PPIL2: variants seen among roughly 807,000 people sequenced by gnomAD.
The protein encoded by PPIL2 is peptidylprolyl isomerase like 2, also known as RING-type E3 ubiquitin-protein ligase PPIL2.
In PPIL2, 50 loss-of-function variants were observed where a neutral mutation model predicts 75.2. That is an observed-to-expected ratio of 0.66 (90% confidence interval 0.53 to 0.84). The LOEUF (loss-of-function observed/expected upper bound fraction) is 0.84, where lower values mean the gene tolerates loss of function less well. PPIL2 is among the 40% of genes least tolerant of loss of function. PPIL2 has a pLI of 0.00. For missense variants in PPIL2, 590 were observed against 685.0 expected, an observed-to-expected ratio of 0.86 and a Z score of 1.55; for synonymous variants, 245 against 258.8, an observed-to-expected ratio of 0.95 and a Z score of 0.51.
At chr22:21,669,813 T>TAGTAAGCATTTGCTG (rs1283884628) in intron 1 of PPIL2, 100 bp from the exon 2 acceptor site, 2 of 1,255,760 alleles carry the variant, frequency 1.6e-6, no homozygotes, top group Admixed American at 1.7e-5. Flanking sequence ...AGTAGGTATT[T>TAGTAAGCATTTGCTG]AGTAAGCATT....
chr22:21,670,792 T>C (rs2066602013), intron 3 of PPIL2, 181 bp downstream of exon 3: 2 of 853,350 alleles, frequency 2.3e-6, no homozygotes, highest in Admixed American at 4.1e-5. Context: ...TGCCTTGGTG[T>C]TGGATCCTGC....
At chr22:21,687,927 G>A (rs1454121376) in intron 13 of PPIL2, 146 bp from the exon 14 acceptor site, 2 of 1,172,906 alleles carry the variant, frequency 1.7e-6, no homozygotes, top group African/African-American at 1.5e-5. Context: ...GGTTCACAAA[G>A]GGAGGTGGCT....
rs192811049 is a variant in PPIL2, at chr22:21,669,867, C to T, written c.33-46C>T. On this transcript the variant is annotated intron_variant, in intron 1 of 19. Transcript: ENST00000398831. ...TACTCACTTCCAAAGACTTCGTCCT[C>T]TTTATAAAGGTGGTGGTGGTAGCAT... 1.1e-4 allele frequency: 177 copies of T among 1,569,784 alleles called. No homozygotes were observed. The East Asian group carries it at 3.8e-3, about 33-fold the overall frequency.
chr22:21,680,779 G>A (rs1410595437), intron 6 of PPIL2, among the ~76,000 whole-genome samples: 17 of 134,060 alleles, frequency 1.3e-4, no homozygotes, highest in Admixed American at 2.5e-4. Flanking sequence ...GCAGTGAGCC[G>A]AGATTGTGCC....
intron 12 of PPIL2, 72 bp from the exon 13 acceptor site, chr22:21,687,571 A>AAAC: frequency 1.3e-6 from 1 of 763,736 alleles, no homozygotes; most frequent in South Asian, 1.7e-5. Context: ...AAAAAAAAAA[A>AAAC]GCCTCCTGTG....
chr22:21,692,195 C>G (rs1039417244), intron 15 of PPIL2, among the ~76,000 whole-genome samples: 22 of 151,806 alleles, frequency 1.4e-4, no homozygotes, highest in South Asian at 2.1e-4. Context: ...TCGCTCCGTC[C>G]CCCAGGCTGG....
chr22:21,669,910 C>T lies in PPIL2; in HGVS notation c.33-3C>T. 6.2e-7 allele frequency: 1 copy of T among 1,613,546 alleles called. No homozygotes were observed. Among genetic ancestry groups the T allele is most frequent in the South Asian group, 1.1e-5 (1 of 91,064 alleles). ...GGTAGCATTATCTTCCTCTCTTCTTCAGGTACATTACCTGTGCTGAATACA... is the reference window on the plus strand; with the variant it reads ...GGTAGCATTATCTTCCTCTCTTCTTTAGGTACATTACCTGTGCTGAATACA... On this transcript the variant is annotated splice_polypyrimidine_tract_variant and splice_region_variant and intron_variant, in intron 1 of 19. Transcript: ENST00000398831.
At position 21,696,469 on chromosome 22, in the gene PPIL2, G is replaced by C; in HGVS notation, c.*979G>C. 1 of 1,215,510 alleles carries C rather than the reference G, an allele frequency of 8.2e-7. No individual in the cohort carries two copies. Among genetic ancestry groups the C allele is most frequent in the South Asian group, 1.6e-5 (1 of 62,110 alleles). 75.3% of individuals were successfully genotyped at this position (1,215,510 alleles called of 1,614,324 possible). Reference sequence around the variant, plus strand: ...CCTCCTGTCAGTCACTGACTCTGATGGCCTTGGGCCAGCTGCATCAGCAGC... The same window carrying C: ...CCTCCTGTCAGTCACTGACTCTGATCGCCTTGGGCCAGCTGCATCAGCAGC... On this transcript the variant is annotated 3_prime_UTR_variant, in exon 20 of 20. Transcript: ENST00000398831.
rs2066784311 is a variant in PPIL2, at chr22:21,675,105, G to C, written c.285G>C (p.Lys95Asn). The C allele has an allele frequency of 6.2e-7, 1 of 1,613,244 alleles. No homozygotes were observed. Among genetic ancestry groups the C allele is most frequent in the African/African-American group, 1.3e-5 (1 of 75,010 alleles). ...GRSLIKLNFSKNSEGKYHCPV... is the reference protein window; with the variant it reads ...GRSLIKLNFSNNSEGKYHCPV... Reference sequence around the variant, plus strand: ...CCCTGATCAAGCTGAACTTTTCCAAGAACAGTGAGGGTGAGTGGAACTATC... The same window carrying C: ...CCCTGATCAAGCTGAACTTTTCCAACAACAGTGAGGGTGAGTGGAACTATC... The change falls in exon 6 of 20, where the codon AAG becomes AAC. Residue 95 changes from lysine to asparagine, a missense_variant. By Grantham distance (94) the Lys-to-Asn change is moderately conservative (BLOSUM62 0). Coordinates refer to ENST00000398831, the MANE Select transcript of PPIL2 (RefSeq NM_014337.4).
At chr22:21,674,334 A>G (rs2066749706) in intron 5 of PPIL2, among the ~76,000 whole-genome samples, 2 of 152,234 alleles carry the variant, frequency 1.3e-5, no homozygotes, top group South Asian at 4.1e-4. Flanking sequence ...CACCACAGAA[A>G]CTGAAAACAT....
intron 1 of PPIL2, among the ~76,000 whole-genome samples, chr22:21,668,869 G>A (rs1339476584): frequency 3.3e-5 from 5 of 151,234 alleles, no homozygotes; most frequent in Middle Eastern, 3.2e-3. Context: ...CTGCCACCAC[G>A]CCCGGCTAAT....
intron 1 of PPIL2, 148 bp from the exon 2 acceptor site, chr22:21,669,765 G>T: frequency 2.6e-6 from 2 of 778,410 alleles, no homozygotes; most frequent in Non-Finnish European, 4.4e-6. Context: ...CTCCCAAAGT[G>T]TTGGGATTAC....
At chr22:21,672,654 C>T (rs1350275309) in intron 5 of PPIL2, among the ~76,000 whole-genome samples, 1 of 152,188 alleles carries the variant, frequency 6.6e-6, no homozygotes, top group Admixed American at 6.5e-5. Context: ...CCTATATAAA[C>T]CTTTGATTAT....
In PPIL2 at chr22:21,687,859, G is replaced by A. The variant is rs972566970; in HGVS notation, c.987+127G>A. 36 of 1,098,254 alleles carry A rather than the reference G, an allele frequency of 3.3e-5. No homozygotes were observed. In the South Asian group the frequency reaches 3.4e-4, roughly 10 times the overall value. 68.0% of individuals were successfully genotyped at this position (1,098,254 alleles called of 1,614,324 possible). ...GGTGGCCAGGATGAGTCCAGTTGGT[G>A]ATCCTCTGTTGGGGAACCCATAGAC... On this transcript the variant is annotated intron_variant, in intron 13 of 19. Coordinates refer to ENST00000398831, the MANE Select transcript of PPIL2 (RefSeq NM_014337.4).
chr22:21,669,955 G>A lies in PPIL2; in HGVS notation c.75G>A (p.Lys25=). The change falls in exon 2 of 20, where the codon AAG becomes AAA. Residue 25 remains lysine, a synonymous_variant. Transcript: ENST00000398831. ...AATACACTCACTTTTATGGTGGCAA[G>A]AAGCCAGGTAAGGCATGCAGTCTTT... is the stretch of plus-strand genomic sequence containing the variant. ...CAEYTHFYGG[K]KPDLPQTNFR... is the part of the protein sequence containing the mutation. The A allele has an allele frequency of 6.2e-7, 1 of 1,613,760 alleles. No homozygotes were observed.
intron 16 of PPIL2, 32 bp from the exon 17 acceptor site, chr22:21,694,561 C>T (rs1304354524): frequency 6.2e-7 from 1 of 1,612,500 alleles, no homozygotes. Flanking sequence ...TCCTTGAGCA[C>T]ACGCAGACCC....
At chr22:21,681,173 A>G in intron 6 of PPIL2, 126 bp from the exon 7 acceptor site, 1 of 736,136 alleles carries the variant, frequency 1.4e-6, no homozygotes, top group South Asian at 1.6e-5. Flanking sequence ...GGCAGCTGAC[A>G]TGGGGTTCCA....
chr22:21,675,429 G>A (rs2066798833), intron 6 of PPIL2, among the ~76,000 whole-genome samples: 1 of 152,170 alleles, frequency 6.6e-6, no homozygotes, highest in East Asian at 1.9e-4. Context: ...CCAGCTACTC[G>A]GGAGGCTGAG....
intron 9 of PPIL2, 103 bp from the exon 10 acceptor site, chr22:21,684,650 C>T (rs1255325045): frequency 2.4e-5 from 34 of 1,430,790 alleles, no homozygotes; most frequent in Non-Finnish European, 3.0e-5. Flanking sequence ...GTGCCTGCGC[C>T]ATGGCTGGAC....
Sources: gnomAD v4.1 joint callset for allele counts (sites outside exome capture counted in the v4.1 genomes callset) on GRCh38, gnomAD v4.1.1 for gene constraint, MANE v1.5 for transcripts, NCBI Gene and HGNC (gene_info 2026-07-23, HGNC 2026-07-21) for gene names.